PPP3CA: variants seen among roughly 807,000 people sequenced by gnomAD.
PPP3CA encodes the protein protein phosphatase 3 catalytic subunit alpha, also known as CAM-PRP catalytic subunit.
PPP3CA carries 14 observed loss-of-function variants against 66.5 expected under a neutral mutation model. That is an observed-to-expected ratio of 0.21 (90% confidence interval 0.14 to 0.33). The LOEUF is 0.33. Ranked by LOEUF, PPP3CA falls within the 10% of genes least tolerant of loss-of-function variation. The probability of loss-of-function intolerance (pLI) is 1.00; values close to 1 mark genes in which losing one functional copy is unlikely to be tolerated. For missense variants in PPP3CA, 317 were observed against 639.5 expected, an observed-to-expected ratio of 0.50 and a Z score of 5.44; for synonymous variants, 232 against 226.2, an observed-to-expected ratio of 1.03 and a Z score of -0.23.
chr4:101,094,967 A>C (rs983335350), intron 5 of PPP3CA, among the ~76,000 whole-genome samples: 4 of 152,112 alleles, frequency 2.6e-5, no homozygotes. Flanking sequence ...GCTTACAACT[A>C]ATCAAATTGT....
At chr4:101,090,496 G>C (rs1026426402) in intron 6 of PPP3CA, among the ~76,000 whole-genome samples, 1 of 151,816 alleles carries the variant, frequency 6.6e-6, no homozygotes, top group Non-Finnish European at 1.5e-5. Flanking sequence ...TAAAAAATTA[G>C]GCAGGCATGG....
intron 8 of PPP3CA, among the ~76,000 whole-genome samples, chr4:101,078,908 C>A (rs1268050181): frequency 6.6e-6 from 1 of 152,160 alleles, no homozygotes; most frequent in African/African-American, 2.4e-5. Context: ...TTCTTCTTGC[C>A]ATAGACTACT....
chr4:101,085,435 C>G (rs533918856), intron 6 of PPP3CA, among the ~76,000 whole-genome samples: 1 of 152,172 alleles, frequency 6.6e-6, no homozygotes, highest in South Asian at 2.1e-4. Context: ...TGTGTTTAAG[C>G]TAAGTTTTTC....
intron 12 of PPP3CA, 31 bp from the exon 13 acceptor site, chr4:101,029,226 T>G: frequency 1.9e-6 from 3 of 1,580,552 alleles, no homozygotes; most frequent in Non-Finnish European, 2.6e-6. Flanking sequence ...GCAAAATGAA[T>G]GAGAAAAATG....
chr4:101,058,510 C>T (rs970025386), intron 10 of PPP3CA, among the ~76,000 whole-genome samples: 1 of 151,972 alleles, frequency 6.6e-6, no homozygotes, highest in Non-Finnish European at 1.5e-5. Context: ...TGACTTAAAA[C>T]TTAAAGAGTG....
At chr4:101,266,417 C>T (rs539616805) in intron 1 of PPP3CA, among the ~76,000 whole-genome samples, 1 of 152,108 alleles carries the variant, frequency 6.6e-6, no homozygotes, top group East Asian at 1.9e-4. Flanking sequence ...ATGGCCCTAG[C>T]TATGTTTACT....
chr4:101,236,411 T>C (rs540847148), intron 1 of PPP3CA, among the ~76,000 whole-genome samples: 2 of 152,076 alleles, frequency 1.3e-5, no homozygotes, highest in African/African-American at 4.8e-5. Context: ...TTGAACAAAG[T>C]TGGTGAGGAC....
At chr4:101,295,307 C>CA (rs527366396) in intron 1 of PPP3CA, among the ~76,000 whole-genome samples, 982 of 40,522 alleles carry the variant, frequency 0.024, 15 homozygotes, top group East Asian at 0.046. Flanking sequence ...GACTCCGTCT[C>CA]AAAAAAAAAA....
intron 10 of PPP3CA, among the ~76,000 whole-genome samples, chr4:101,047,484 TATCA>T (rs1348922648): frequency 6.6e-6 from 1 of 152,206 alleles, no homozygotes; most frequent in Non-Finnish European, 1.5e-5. Flanking sequence ...TGAGTCCCAC[TATCA>T]TTCACTTAGA....
At chr4:101,343,471 C>G (rs1729882140) in intron 1 of PPP3CA, among the ~76,000 whole-genome samples, 1 of 152,036 alleles carries the variant, frequency 6.6e-6, no homozygotes, top group Non-Finnish European at 1.5e-5. Flanking sequence ...AGTTATTCTT[C>G]TATTTATTGC....
At chr4:101,100,732 T>C (rs961651642) in intron 3 of PPP3CA, among the ~76,000 whole-genome samples, 4 of 152,130 alleles carry the variant, frequency 2.6e-5, no homozygotes, top group African/African-American at 9.7e-5. Context: ...GCTAAGAAGA[T>C]ATAAAAACTA....
chr4:101,174,543 T>A (rs7653943), intron 2 of PPP3CA, among the ~76,000 whole-genome samples: 2 of 152,202 alleles, frequency 1.3e-5, no homozygotes, highest in Admixed American at 6.6e-5. Context: ...TTAAGTATTA[T>A]GAGAATAACT....
At chr4:101,278,805 C>T (rs1438689620) in intron 1 of PPP3CA, among the ~76,000 whole-genome samples, 2 of 152,154 alleles carry the variant, frequency 1.3e-5, no homozygotes, top group African/African-American at 4.8e-5. Context: ...TTTTCCCTAC[C>T]ATCCCTTTAA....
intron 3 of PPP3CA, among the ~76,000 whole-genome samples, chr4:101,106,602 T>C (rs1419596115): frequency 6.6e-6 from 1 of 152,088 alleles, no homozygotes; most frequent in Non-Finnish European, 1.5e-5. Flanking sequence ...CCTACCACAG[T>C]CTTCCTTAAT....
chr4:101,295,767 T>G (rs1728182955), intron 1 of PPP3CA, among the ~76,000 whole-genome samples: 1 of 152,240 alleles, frequency 6.6e-6, no homozygotes, highest in Admixed American at 6.5e-5. Context: ...TGTCATGAGT[T>G]AAAGATGTTT....
intron 10 of PPP3CA, among the ~76,000 whole-genome samples, chr4:101,043,557 T>TAAAA (rs397973945): frequency 7.2e-6 from 1 of 139,352 alleles, no homozygotes. Flanking sequence ...TTTTCTTAAT[T>TAAAA]AAAAAAAAAA....
At chr4:101,288,545 C>A (rs1436682322) in intron 1 of PPP3CA, among the ~76,000 whole-genome samples, 1 of 91,838 alleles carries the variant, frequency 1.1e-5, no homozygotes, top group African/African-American at 4.3e-5. Context: ...GAGAAGGGAG[C>A]GGGAGGGGGA....
chr4:101,344,650 A>C (rs778137903), intron 1 of PPP3CA, among the ~76,000 whole-genome samples: 3 of 152,226 alleles, frequency 2.0e-5, no homozygotes, highest in Non-Finnish European at 4.4e-5. Context: ...ATTGAAAAAA[A>C]GCAAGGCAAA....
intron 2 of PPP3CA, among the ~76,000 whole-genome samples, chr4:101,150,835 A>G (rs921459290): frequency 6.6e-6 from 1 of 152,144 alleles, no homozygotes; most frequent in African/African-American, 2.4e-5. Flanking sequence ...TTTGGACTCT[A>G]TCACAGCATA....
Sources: allele counts gnomAD v4.1 joint callset (sites outside exome capture counted in the v4.1 genomes callset), GRCh38; gene constraint gnomAD v4.1.1; transcripts MANE v1.5; gene names NCBI Gene and HGNC (gene_info 2026-07-23, HGNC 2026-07-21).